NTRK3: variants seen among roughly 807,000 people sequenced by gnomAD.
The protein encoded by NTRK3 is NT-3 growth factor receptor.
In NTRK3, 24 loss-of-function variants were observed where a neutral mutation model predicts 91.7. The ratio of observed to expected loss-of-function variants is 0.26; its 90% CI spans 0.19 to 0.37. The LOEUF is 0.37. NTRK3 is among the 10% of genes least tolerant of loss of function. The pLI is 1.00. For synonymous variants in NTRK3, 483 were observed against 404.0 expected (o/e 1.20, Z -2.34); for missense variants, 880 against 1,068.9 (o/e 0.82, Z 2.46).
At chr15:88,009,884 T>C (rs1362094498) in intron 14 of NTRK3, among the ~76,000 whole-genome samples, 1 of 152,180 alleles carries the variant, frequency 6.6e-6, no homozygotes, top group Admixed American at 6.5e-5. Context: ...AAAAGCACAC[T>C]ACAGACTGCT....
At chr15:88,030,901 C>T (rs1296345760) in intron 14 of NTRK3, among the ~76,000 whole-genome samples, 1 of 152,058 alleles carries the variant, frequency 6.6e-6, no homozygotes, top group African/African-American at 2.4e-5. Flanking sequence ...CTATTCCAGA[C>T]CACATTTTTT....
At chr15:88,147,458 C>G (rs2151314984) in intron 5 of NTRK3, 55 bp from the exon 6 acceptor site, 1 of 1,421,660 alleles carries the variant, frequency 7.0e-7, no homozygotes, top group Non-Finnish European at 9.9e-7. Flanking sequence ...ACAAATAATG[C>G]TCTAGGTAGT....
chr15:87,982,994 T>C (rs1430949990), intron 14 of NTRK3, among the ~76,000 whole-genome samples: 2 of 152,250 alleles, frequency 1.3e-5, no homozygotes, highest in African/African-American at 4.8e-5. Flanking sequence ...TCTCCTTCTG[T>C]CTCTGCTTCT....
intron 14 of NTRK3, among the ~76,000 whole-genome samples, chr15:87,967,771 A>G (rs2072915148): frequency 2.6e-5 from 4 of 152,174 alleles, no homozygotes; most frequent in Non-Finnish European, 2.9e-5. Flanking sequence ...TCTTTCTTGT[A>G]TATTTTCCAC....
At chr15:88,213,951 T>A (rs1475816306) in intron 3 of NTRK3, among the ~76,000 whole-genome samples, 1 of 152,096 alleles carries the variant, frequency 6.6e-6, no homozygotes, top group African/African-American at 2.4e-5. Context: ...TGGTGGCACA[T>A]GTCTGTAGTC....
chr15:87,878,438 C>T (rs1236239802), intron 18 of NTRK3, among the ~76,000 whole-genome samples: 1 of 152,186 alleles, frequency 6.6e-6, no homozygotes, highest in Non-Finnish European at 1.5e-5. Context: ...ACGATGGCCC[C>T]TTGGCTCATT....
At chr15:87,879,744 C>T (rs919484304) in intron 18 of NTRK3, among the ~76,000 whole-genome samples, 1 of 152,000 alleles carries the variant, frequency 6.6e-6, no homozygotes, top group Non-Finnish European at 1.5e-5. Flanking sequence ...AGTAAACATA[C>T]TAATAAACAT....
At chr15:88,058,495 G>A (rs2045923501) in intron 13 of NTRK3, among the ~76,000 whole-genome samples, 1 of 152,148 alleles carries the variant, frequency 6.6e-6, no homozygotes, top group Non-Finnish European at 1.5e-5. Flanking sequence ...AACAGGGGAA[G>A]TTCTGTCTGT....
intron 3 of NTRK3, among the ~76,000 whole-genome samples, chr15:88,194,415 C>T (rs533484864): frequency 6.6e-6 from 1 of 152,250 alleles, no homozygotes; most frequent in Non-Finnish European, 1.5e-5. Context: ...CTTAGCAGAT[C>T]CAATACCAGC....
chr15:88,212,970 T>C (rs4887212), intron 3 of NTRK3, among the ~76,000 whole-genome samples: 70,001 of 152,116 alleles, frequency 0.46, 18,034 homozygotes, highest in East Asian at 0.58. Context: ...CGCTGAGACA[T>C]TGCAGGGCTG....
intron 13 of NTRK3, among the ~76,000 whole-genome samples, chr15:88,042,085 T>C (rs1195532438): frequency 6.6e-6 from 1 of 152,108 alleles, no homozygotes; most frequent in African/African-American, 2.4e-5. Flanking sequence ...TTTTAAAACC[T>C]CAACCTTTTC....
chr15:87,888,074 T>C (rs922166728), intron 17 of NTRK3, among the ~76,000 whole-genome samples: 6 of 152,318 alleles, frequency 3.9e-5, no homozygotes, highest in South Asian at 2.1e-4. Flanking sequence ...AACAGATCTT[T>C]GGATTGCACT....
Position 88,233,220 on chromosome 15 carries a change from C to T in NTRK3, c.248+22686G>A, listed in dbSNP as rs1166459386. Reference sequence around the variant, plus strand: ...AAAATTAAAACCGTAGAGCACATTGCCAATAAATAACCCCCCCGCCCCCAG... The same window carrying T: ...AAAATTAAAACCGTAGAGCACATTGTCAATAAATAACCCCCCCGCCCCCAG... On this transcript the variant is annotated intron_variant, in intron 3 of 18. Transcript: ENST00000394480. The surrounding 1 kb of genome is among the most constrained non-coding windows in gnomAD (Gnocchi z 4.2). Among the ~76,000 whole-genome samples, 2 of 152,132 alleles carry T rather than the reference C, an allele frequency of 1.3e-5. No individual in the cohort carries two copies. Among genetic ancestry groups the T allele is most frequent in the Non-Finnish European group, 2.9e-5 (2 of 68,018 alleles).
intron 18 of NTRK3, among the ~76,000 whole-genome samples, chr15:87,879,447 G>C (rs545899298): frequency 6.6e-6 from 1 of 152,310 alleles, no homozygotes; most frequent in East Asian, 1.9e-4. Context: ...ATGGGCTTTG[G>C]AGGCAGAGGA....
chr15:88,063,901 C>T (rs1045319629), intron 13 of NTRK3, among the ~76,000 whole-genome samples: 1 of 152,224 alleles, frequency 6.6e-6, no homozygotes, highest in Admixed American at 6.5e-5. Context: ...ACTGTAGTGA[C>T]TTGTACAGTG....
chr15:88,036,652 A>G (rs1446085802), intron 13 of NTRK3, among the ~76,000 whole-genome samples: 2 of 152,164 alleles, frequency 1.3e-5, no homozygotes, highest in Admixed American at 6.5e-5. Context: ...TACAGAATAC[A>G]ATGATGAAGA....
intron 17 of NTRK3, among the ~76,000 whole-genome samples, chr15:87,918,014 T>TA (rs1222035433): frequency 8.6e-5 from 13 of 151,310 alleles, no homozygotes; most frequent in African/African-American, 3.2e-4. Context: ...TTTTGTTTTG[T>TA]ATTTGTTTGT....
At chr15:87,877,060 C>T (rs2141437242) in exon 19 of NTRK3, 3 of 1,614,074 alleles carry the variant, frequency 1.9e-6, no homozygotes, top group Non-Finnish European at 1.7e-6. Context: ...ACATCGTACA[C>T]CTCTTTGGGG....
chr15:88,027,410 T>A (rs1370177683), intron 14 of NTRK3, among the ~76,000 whole-genome samples: 1 of 152,118 alleles, frequency 6.6e-6, no homozygotes, highest in Non-Finnish European at 1.5e-5. Context: ...TGAGACAGAG[T>A]CTCGCTCTGT....
Sources: allele counts gnomAD v4.1 joint callset (sites outside exome capture counted in the v4.1 genomes callset), GRCh38; gene constraint gnomAD v4.1.1; non-coding constraint Gnocchi (gnomAD v3.1); transcripts MANE v1.5; gene names NCBI Gene and HGNC (gene_info 2026-07-23, HGNC 2026-07-21).